TEKT5: variants seen among roughly 807,000 people sequenced by gnomAD.
TEKT5 encodes the protein tektin 5, also known as tektin-5.
TEKT5 carries 52 observed loss-of-function variants against 48.7 expected under a neutral mutation model. The ratio of observed to expected loss-of-function variants is 1.07; its 90% CI spans 0.86 to 1.35. The LOEUF (loss-of-function observed/expected upper bound fraction) is 1.35, where lower values mean the gene tolerates loss of function less well. Among genes scored for constraint, TEKT5 ranks in the 40% most tolerant of loss-of-function variants. The pLI is 0.00. For missense variants in TEKT5, 831 were observed against 641.6 expected (o/e 1.30, Z -3.19); for synonymous variants, 318 against 267.6 (o/e 1.19, Z -1.84).
At chr16:10,647,075 G>T (rs916948033) in intron 5 of TEKT5, among the ~76,000 whole-genome samples, 1 of 152,094 alleles carries the variant, frequency 6.6e-6, no homozygotes, top group East Asian at 1.9e-4. Context: ...CCCAGTGTTT[G>T]CCCTGTCATG....
At chr16:10,676,608 C>A (rs1430267767) in intron 4 of TEKT5, among the ~76,000 whole-genome samples, 1 of 152,180 alleles carries the variant, frequency 6.6e-6, no homozygotes, top group African/African-American at 2.4e-5. Flanking sequence ...ACCAGAAACA[C>A]AACGTGGACA....
chr16:10,665,976 G>C (rs1898449341), intron 5 of TEKT5, among the ~76,000 whole-genome samples: 1 of 152,234 alleles, frequency 6.6e-6, no homozygotes, highest in Non-Finnish European at 1.5e-5. Flanking sequence ...GCTGGGCGCG[G>C]TGGCTCAGGC....
At position 10,635,838 on chromosome 16, in the gene TEKT5, C is replaced by T. The variant is rs770918984; in HGVS notation, c.1167G>A (p.Lys389=). The T allele has an allele frequency of 3.7e-6, 6 of 1,614,176 alleles. No homozygotes were observed. The Middle Eastern group carries it at 9.9e-4, about 266-fold the overall frequency. ...GGCACTCCAGCCTTGTCTGGGCCAC[C>T]TTCAGCGGGCCCTCCTTGGCCATGA... The part of the protein sequence containing the change: ...RSIMAKEGPL[K]VAQTRLECRT... Residue 389 remains lysine (K), a synonymous_variant, in exon 6 of 7, where the codon AAG becomes AAA. Transcript: ENST00000283025.
chr16:10,650,600 T>C (rs1020799824), intron 5 of TEKT5, among the ~76,000 whole-genome samples: 1 of 139,934 alleles, frequency 7.1e-6, no homozygotes, highest in Non-Finnish European at 1.5e-5. Context: ...AAAAGCCACA[T>C]CTGGCCAGGT....
chr16:10,680,164 C>T (rs1329883932), intron 4 of TEKT5, among the ~76,000 whole-genome samples: 1 of 152,216 alleles, frequency 6.6e-6, no homozygotes, highest in African/African-American at 2.4e-5. Flanking sequence ...AAGTCCTGCT[C>T]ACCTTGCCAG....
At chr16:10,687,812 TTTTA>T (rs1898890913) in intron 3 of TEKT5, among the ~76,000 whole-genome samples, 1 of 152,210 alleles carries the variant, frequency 6.6e-6, no homozygotes, top group African/African-American at 2.4e-5. Context: ...CTGAATTGAT[TTTTA>T]TTTATTTTAT....
chr16:10,650,422 G>A (rs534430805), intron 5 of TEKT5, among the ~76,000 whole-genome samples: 1 of 152,112 alleles, frequency 6.6e-6, no homozygotes, highest in South Asian at 2.1e-4. Flanking sequence ...TCTTTACGGG[G>A]CCTGTCTGCA....
intron 3 of TEKT5, among the ~76,000 whole-genome samples, chr16:10,686,065 T>C (rs1295575693): frequency 1.3e-5 from 2 of 152,128 alleles, no homozygotes; most frequent in Non-Finnish European, 2.9e-5. Context: ...AAAACCATTC[T>C]CTCTTGCCAT....
intron 5 of TEKT5, among the ~76,000 whole-genome samples, chr16:10,645,562 G>A (rs1014240890): frequency 1.3e-5 from 2 of 151,946 alleles, no homozygotes; most frequent in African/African-American, 4.8e-5. Flanking sequence ...CAGCACTTTG[G>A]GAGGCCAAAG....
Position 10,676,429 on chromosome 16 carries a change from G to A in TEKT5, c.864-248C>T, listed in dbSNP as rs559895560. 2.0e-5 allele frequency among the ~76,000 whole-genome samples: 3 copies of A among 152,304 alleles called. No individual in the cohort carries two copies. The East Asian group carries it at 5.8e-4, about 29-fold the overall frequency. ...AAATGACCCTGCCAAATGGGAGGGT[G>A]CAGTCGCCCCTTGTTGAGAACCACT... is the stretch of plus-strand genomic sequence containing the variant. On this transcript the variant is annotated intron_variant, in intron 4 of 6. Transcript: ENST00000283025.
intron 5 of TEKT5, among the ~76,000 whole-genome samples, chr16:10,664,851 C>A (rs964425277): frequency 2.0e-5 from 3 of 152,186 alleles, no homozygotes; most frequent in Non-Finnish European, 4.4e-5. Context: ...CAGACCATAG[C>A]TTTGTACTAT....
chr16:10,668,578 C>T (rs1163830266), intron 5 of TEKT5, among the ~76,000 whole-genome samples: 1 of 152,162 alleles, frequency 6.6e-6, no homozygotes, highest in East Asian at 1.9e-4. Context: ...ACACGCAGGG[C>T]CTCAGATCAC....
chr16:10,646,738 T>C (rs192931717), intron 5 of TEKT5, among the ~76,000 whole-genome samples: 1 of 152,306 alleles, frequency 6.6e-6, no homozygotes, highest in Non-Finnish European at 1.5e-5. Context: ...AGCTGGGTTA[T>C]GGGAGGGCAA....
At chr16:10,686,108 G>A (rs1898858197) in intron 3 of TEKT5, among the ~76,000 whole-genome samples, 1 of 152,168 alleles carries the variant, frequency 6.6e-6, no homozygotes, top group East Asian at 1.9e-4. Flanking sequence ...CTGGAAGAAA[G>A]AACAGAATAG....
intron 5 of TEKT5, among the ~76,000 whole-genome samples, chr16:10,659,909 G>A (rs1481233599): frequency 2.6e-5 from 4 of 152,134 alleles, no homozygotes; most frequent in Admixed American, 2.6e-4. Context: ...AATATTAAAT[G>A]GCAGTGAATT....
chr16:10,673,646 ATTT>A (rs60322821), intron 5 of TEKT5, among the ~76,000 whole-genome samples: 6,789 of 105,686 alleles, frequency 0.064, 168 homozygotes, highest in East Asian at 0.18. Flanking sequence ...CACCCATTCT[ATTT>A]TTTTTTTTTT....
At chr16:10,691,667 G>T (rs970182702) in intron 1 of TEKT5, among the ~76,000 whole-genome samples, 1 of 152,284 alleles carries the variant, frequency 6.6e-6, no homozygotes, top group African/African-American at 2.4e-5. Context: ...ATTTCTGGGG[G>T]ACCAGACACG....
chr16:10,666,674 C>T (rs568927730), intron 5 of TEKT5, among the ~76,000 whole-genome samples: 34 of 152,352 alleles, frequency 2.2e-4, no homozygotes, highest in African/African-American at 7.9e-4. Context: ...CCATTGATTA[C>T]TGAGTGTCTG....
chr16:10,670,582 G>C (rs1249922286), intron 5 of TEKT5, among the ~76,000 whole-genome samples: 2 of 152,168 alleles, frequency 1.3e-5, no homozygotes, highest in Non-Finnish European at 2.9e-5. Context: ...TGAAATGGTT[G>C]CTATACATTT....
Sources: allele counts gnomAD v4.1 joint callset (sites outside exome capture counted in the v4.1 genomes callset), GRCh38; gene constraint gnomAD v4.1.1; transcripts MANE v1.5; gene names NCBI Gene and HGNC (gene_info 2026-07-23, HGNC 2026-07-21).